Variants in TELO2 observed in about 807,000 individuals in gnomAD.
The protein encoded by TELO2 is telomere length regulation protein TEL2 homolog.
A neutral mutation model predicts 91.0 loss-of-function variants in TELO2; 71 were observed. The observed-to-expected ratio is 0.78, with a 90% CI of 0.64 to 0.95. The LOEUF (loss-of-function observed/expected upper bound fraction) is 0.95. Ranked by LOEUF, TELO2 falls within the 40% of genes least tolerant of loss-of-function variation. The pLI, the probability that TELO2 is intolerant of heterozygous loss-of-function variation, is 0.00. For synonymous variants in TELO2, 584 were observed against 518.9 expected (o/e 1.13, Z -1.71); for missense variants, 1,183 against 1,141.3 (o/e 1.04, Z -0.53).
Position 1,510,238 on chromosome 16 carries a change from G to C in TELO2, c.*302G>C. On this transcript the variant is annotated 3_prime_UTR_variant, in exon 21 of 21. Coordinates refer to ENST00000262319, the MANE Select transcript of TELO2 (RefSeq NM_016111.4). ...GGGCAGAACCAGGCTGGCAGGAGGG[G>C]AGGACGGTGTACCTGCTGCTCAGAG... 1 of 421,432 alleles carries C rather than the reference G, an allele frequency of 2.4e-6. No individual in the cohort carries two copies. The highest frequency in any genetic ancestry group is 4.4e-6 in the Non-Finnish European group (1 of 225,398). 26.1% of individuals were successfully genotyped at this position (421,432 alleles called of 1,614,324 possible).
intron 6 of TELO2, among the ~76,000 whole-genome samples, chr16:1,499,895 G>A (rs1236669264): frequency 3.3e-5 from 5 of 152,232 alleles, no homozygotes; most frequent in African/African-American, 9.6e-5. Context: ...GAATAGAGGC[G>A]GGTGGGTCGC....
chr16:1,499,377 C>T (rs2039598146), intron 6 of TELO2, 44 bp downstream of exon 6: 3 of 1,596,012 alleles, frequency 1.9e-6, no homozygotes, highest in Non-Finnish European at 2.6e-6. Context: ...TGCCCCATCA[C>T]AGCAAGAATG....
chr16:1,496,544 C>T (rs914434326), intron 3 of TELO2, among the ~76,000 whole-genome samples: 1 of 152,208 alleles, frequency 6.6e-6, no homozygotes, highest in African/African-American at 2.4e-5. Context: ...GGTCCCCACG[C>T]GGCTCTGTGC....
intron 3 of TELO2, among the ~76,000 whole-genome samples, chr16:1,496,412 G>T (rs2039494785): frequency 6.6e-6 from 1 of 152,238 alleles, no homozygotes; most frequent in Non-Finnish European, 1.5e-5. Flanking sequence ...TTTTCCGAAC[G>T]TAGCCCTAGG....
chr16:1,506,428 G>T, intron 17 of TELO2, 99 bp downstream of exon 17: 1 of 1,604,878 alleles, frequency 6.2e-7, no homozygotes, highest in Non-Finnish European at 8.5e-7. Context: ...GTGGGTTTGG[G>T]TGTGAACAGG....
rs1205759838 is a variant in TELO2 at position 1,505,062 on chromosome 16, G to A, written c.1843-348G>A. On this transcript the variant is annotated intron_variant, in intron 15 of 20. Coordinates refer to ENST00000262319, the MANE Select transcript of TELO2 (RefSeq NM_016111.4). This position sits in a 1 kb window ranked among gnomAD's most constrained non-coding sequence, Gnocchi z 4.3. ...GCAATGTTCTGAGGTCCCCCCGCCC[G>A]TGGCACGTGCCGCTGCAGCGTTGCT... 3.4e-5 allele frequency: 8 copies of A among 236,568 alleles called. No individual in the cohort carries two copies. The South Asian group carries it at 7.5e-4, about 22-fold the overall frequency. The allele number at this position is 236,568 out of a possible 1,614,324, so 14.7% of individuals were successfully genotyped here. A position where few individuals can be genotyped will look rare whatever the true frequency, so the allele number is the denominator to read the frequency against.
intron 2 of TELO2, 87 bp from the exon 3 acceptor site, chr16:1,495,259 G>A: frequency 6.8e-7 from 1 of 1,460,084 alleles, no homozygotes; most frequent in Non-Finnish European, 9.1e-7. Flanking sequence ...GGCTGCCCGT[G>A]TAATCCGGGC....
In TELO2 at chr16:1,494,745, C is replaced by G; in HGVS notation, c.335+129C>G. On this transcript the variant is annotated intron_variant, in intron 2 of 20. Transcript: ENST00000262319. This position sits in a 1 kb window ranked among gnomAD's most constrained non-coding sequence, Gnocchi z 5.6. ...GAGAGAGAGCCTGCTCCTGGCTGAA[C>G]CCCTGAACAGAAGAAGCGGTCTGTG... The G allele has an allele frequency of 1.9e-6, 2 of 1,035,790 alleles. No homozygotes were observed. Among genetic ancestry groups the G allele is most frequent in the South Asian group, 3.4e-5 (2 of 59,414 alleles). 64.2% of individuals were successfully genotyped at this position (1,035,790 alleles called of 1,614,324 possible).
intron 3 of TELO2, among the ~76,000 whole-genome samples, chr16:1,496,254 G>A (rs1596250824): frequency 6.6e-6 from 1 of 152,176 alleles, no homozygotes; most frequent in Non-Finnish European, 1.5e-5. Context: ...CTCGCTCAGG[G>A]GCACCCTGGG....
chr16:1,510,451 G>A lies in TELO2; in HGVS notation c.*515G>A. 1 of 224,174 alleles carries A rather than the reference G, an allele frequency of 4.5e-6. No individual in the cohort carries two copies. Among genetic ancestry groups the A allele is most frequent in the Non-Finnish European group, 8.9e-6 (1 of 111,734 alleles). 13.9% of individuals were successfully genotyped at this position (224,174 alleles called of 1,614,324 possible). ...CTCTCAGAAAATAAACTGCTTTATT[G>A]GAATTACAGGAGTGTTGGTGGCCGG... On this transcript the variant is annotated 3_prime_UTR_variant, in exon 21 of 21. Coordinates refer to ENST00000262319, the MANE Select transcript of TELO2 (RefSeq NM_016111.4).
rs770294346 is a variant in TELO2, at chr16:1,500,153, C to G, written c.991C>G (p.Leu331Val). ...GGCCATGGACAGCCAGCGGCGCCCG[C>G]TCCTGCTGCAGGTACGTGCCTCCTG... ...HLAMDSQRRPLLLQVLKELLE... is the reference protein window; with the variant it reads ...HLAMDSQRRPVLLQVLKELLE... The change falls in exon 7 of 21, where the codon CTC becomes GTC. Residue 331 changes from leucine to valine, a missense_variant. By Grantham distance (32) the Leu-to-Val change is conservative (BLOSUM62 1). Coordinates refer to ENST00000262319, the MANE Select transcript of TELO2 (RefSeq NM_016111.4). 6.8e-6 allele frequency: 11 copies of G among 1,605,886 alleles called. No homozygotes were observed. The East Asian group carries it at 2.2e-4, about 33-fold the overall frequency.
intron 20 of TELO2, 45 bp from the exon 21 acceptor site, chr16:1,509,785 G>C (rs1177945782): frequency 6.6e-7 from 1 of 1,508,304 alleles, no homozygotes; most frequent in African/African-American, 1.4e-5. Flanking sequence ...GGGAGAATAC[G>C]CCCTCCACGC....
rs2039490478 is a variant in TELO2, at chr16:1,496,290, C to G, written c.613+667C>G. Among the ~76,000 whole-genome samples the G allele has an allele frequency of 2.0e-5, 3 of 152,240 alleles. No homozygotes were observed. The South Asian group carries it at 6.2e-4, about 31-fold the overall frequency. On this transcript the variant is annotated intron_variant, in intron 3 of 20. Coordinates refer to ENST00000262319, the MANE Select transcript of TELO2 (RefSeq NM_016111.4). The stretch of plus-strand genomic sequence containing the variant: ...GTCCTGGAGCAGCTCGGCGCCCCCT[C>G]AGAGCCCAGGAGGAAGCCGGGCCCC...
At chr16:1,496,478 C>G (rs1167412733) in intron 3 of TELO2, among the ~76,000 whole-genome samples, 3 of 152,258 alleles carry the variant, frequency 2.0e-5, no homozygotes, top group Non-Finnish European at 2.9e-5. Context: ...GGGAACATCT[C>G]GGACACATGT....
chr16:1,496,484 CAT>C (rs995056199), intron 3 of TELO2, among the ~76,000 whole-genome samples: 3 of 152,266 alleles, frequency 2.0e-5, no homozygotes, highest in African/African-American at 7.2e-5. Context: ...ATCTCGGACA[CAT>C]GTGGAATGCG....
In TELO2 at chr16:1,502,126, T is replaced by C. The variant is rs751978549; in HGVS notation, c.1552T>C (p.Cys518Arg). The change falls in exon 12 of 21, where the codon TGC becomes CGC. Residue 518 changes from cysteine to arginine, a missense_variant. Coordinates refer to ENST00000262319, the MANE Select transcript of TELO2 (RefSeq NM_016111.4). Reference sequence around the variant, plus strand: ...CAAGGCTCCTGCCTACGTCCGGGACTGCGTGGAAGGTGGGCACGGGCCCCT... The same window carrying C: ...CAAGGCTCCTGCCTACGTCCGGGACCGCGTGGAAGGTGGGCACGGGCCCCT... ...SSKAPAYVRD[C>R]VEALTTSEDI... 2.5e-6 allele frequency: 4 copies of C among 1,612,912 alleles called. No individual in the cohort carries two copies. In the South Asian group the frequency reaches 3.3e-5, roughly 13 times the overall value.
intron 3 of TELO2, among the ~76,000 whole-genome samples, chr16:1,496,714 C>A (rs1248695360): frequency 1.3e-5 from 2 of 152,242 alleles, no homozygotes. Context: ...GCCTACCCTG[C>A]GTGGCTGACC....
At position 1,507,786 on chromosome 16, in the gene TELO2, G is replaced by A. The variant is rs1419188813; in HGVS notation, c.2407+70G>A. ...GGGGTGTGTGTGTATGTGTGTGTGT[G>A]TGTGTGAGAGATGTGTCGGCCCGGG... On this transcript the variant is annotated intron_variant, in intron 20 of 20. Transcript: ENST00000262319. 19 of 1,289,542 alleles carry A rather than the reference G, an allele frequency of 1.5e-5. No individual in the cohort carries two copies. The African/African-American group carries it at 2.7e-4, about 18-fold the overall frequency. The allele number at this position is 1,289,542 out of a possible 1,614,324, so 79.9% of individuals were successfully genotyped here.
chr16:1,510,025 C>T lies in TELO2; in HGVS notation c.*89C>T, dbSNP rs1368178907. On this transcript the variant is annotated 3_prime_UTR_variant, in exon 21 of 21. Transcript: ENST00000262319. ...GGAGCAGCAGAGCCAGGCTTTGTAG[C>T]GAGGCCAGGTCTTCGGCCGCATCCG... 21 of 1,196,604 alleles carry T rather than the reference C, an allele frequency of 1.8e-5. No homozygotes were observed. The highest frequency in any genetic ancestry group is 6.1e-5 in the African/African-American group (4 of 65,626). The allele number at this position is 1,196,604 out of a possible 1,614,324, so 74.1% of individuals were successfully genotyped here.
Sources: gnomAD v4.1 joint callset for allele counts (sites outside exome capture counted in the v4.1 genomes callset) on GRCh38, gnomAD v4.1.1 for gene constraint, Gnocchi (gnomAD v3.1) non-coding constraint, MANE v1.5 for transcripts, NCBI Gene and HGNC (gene_info 2026-07-23, HGNC 2026-07-21) for gene names.